Variants in LSR observed in about 807,000 individuals in gnomAD.
LSR encodes lipolysis stimulated lipoprotein receptor, also known as lipolysis-stimulated lipoprotein receptor.
Under a neutral mutation model 61.8 loss-of-function variants are expected in LSR, and 44 were observed. That is an observed-to-expected ratio of 0.71 (90% CI 0.56 to 0.91). The LOEUF is 0.91. Among genes scored for constraint, LSR ranks in the 40% least tolerant of loss-of-function variants. LSR has a pLI of 0.00. For synonymous variants in LSR, 397 were observed against 350.6 expected (o/e 1.13, Z -1.48); for missense variants, 911 against 830.5 (o/e 1.10, Z -1.19).
Position 35,267,879 on chromosome 19 carries a change from C to G in LSR, c.*20C>G. 1 of 1,612,830 alleles carries G rather than the reference C, an allele frequency of 6.2e-7. No homozygotes were observed. The highest frequency in any genetic ancestry group is 1.1e-5 in the South Asian group (1 of 91,010). ...GTCTGATCTGACGTTTTCTACGTAG[C>G]TTTTGTATTTTTTTTTTTAATTTGA... On this transcript the variant is annotated 3_prime_UTR_variant, in exon 10 of 10. Coordinates refer to ENST00000605618, the MANE Select transcript of LSR (RefSeq NM_205834.4).
In LSR at chr19:35,266,707, G is replaced by C. The variant is rs1163218957; in HGVS notation, c.981G>C (p.Leu327=). ...GTGGCCAAGGCTCCTATGTACCCCT[G>C]CTTCGGGACACGGACAGCAGTGTGG... ...SAGGQGSYVP[L]LRDTDSSVAS... Residue 327 remains leucine, a synonymous_variant, in exon 7 of 10, where the codon CTG becomes CTC. Transcript: ENST00000605618. 6.2e-7 allele frequency: 1 copy of C among 1,609,178 alleles called. No homozygotes were observed. Among genetic ancestry groups the C allele is most frequent in the South Asian group, 1.1e-5 (1 of 89,980 alleles).
At chr19:35,254,999 T>C (rs2065839908) in intron 2 of LSR, among the ~76,000 whole-genome samples, 1 of 152,176 alleles carries the variant, frequency 6.6e-6, no homozygotes, top group Admixed American at 6.5e-5. Context: ...CTTTTGTTTA[T>C]AGCAGGGACC....
chr19:35,252,245 G>A (rs184812515), intron 2 of LSR, among the ~76,000 whole-genome samples: 29 of 152,296 alleles, frequency 1.9e-4, no homozygotes, highest in African/African-American at 6.5e-4. Flanking sequence ...ACTATGTGTC[G>A]TTGGTGCTGG....
intron 1 of LSR, 55 bp from the exon 2 acceptor site, chr19:35,250,260 T>C (rs938733597): frequency 7.9e-7 from 1 of 1,258,218 alleles, no homozygotes; most frequent in Non-Finnish European, 1.1e-6. Context: ...GCGTTCCTGT[T>C]GAAGCACCTC....
intron 5 of LSR, 105 bp downstream of exon 5, chr19:35,262,797 G>A: frequency 7.0e-7 from 1 of 1,436,080 alleles, no homozygotes; most frequent in African/African-American, 1.4e-5. Flanking sequence ...GGTCTGGAGG[G>A]TGTGAATTTA....
At chr19:35,255,210 C>G (rs1016057283) in intron 2 of LSR, among the ~76,000 whole-genome samples, 14 of 152,112 alleles carry the variant, frequency 9.2e-5, no homozygotes, top group African/African-American at 3.4e-4. Flanking sequence ...ATGGCACACC[C>G]TGCTACTCTG....
In LSR at chr19:35,262,543, C is replaced by T; in HGVS notation, c.632-3C>T. 1 of 1,614,162 alleles carries T rather than the reference C, an allele frequency of 6.2e-7. No homozygotes were observed. Among genetic ancestry groups the T allele is most frequent in the Non-Finnish European group, 8.5e-7 (1 of 1,180,014 alleles). ...GGGCTCAGGGCCTGTTGTCTTTCTGCAGACTGGCTCTTCGTGGTTGTGGTA... is the reference window on the plus strand; with the variant it reads ...GGGCTCAGGGCCTGTTGTCTTTCTGTAGACTGGCTCTTCGTGGTTGTGGTA... On this transcript the variant is annotated splice_polypyrimidine_tract_variant and splice_region_variant and intron_variant, in intron 4 of 9. Coordinates refer to ENST00000605618, the MANE Select transcript of LSR (RefSeq NM_205834.4).
chr19:35,250,676 A>G lies in LSR; in HGVS notation c.454+17A>G, dbSNP rs1395281722. ...TCACCGGAAGTATGTTGGGCAGGGC[A>G]GGGGGATGAGGCTGGGCTTGCCCGG... is the stretch of plus-strand genomic sequence containing the variant. On this transcript the variant is annotated intron_variant, in intron 2 of 9. Coordinates refer to ENST00000605618, the MANE Select transcript of LSR (RefSeq NM_205834.4). The G allele has an allele frequency of 6.6e-7, 1 of 1,525,032 alleles. No homozygotes were observed. The highest frequency in any genetic ancestry group is 1.3e-5 in the South Asian group (1 of 77,324). The allele number at this position is 1,525,032 out of a possible 1,614,324, so 94.5% of individuals were successfully genotyped here.
chr19:35,250,113 C>T (rs1404180392), intron 1 of LSR, among the ~76,000 whole-genome samples: 1 of 152,146 alleles, frequency 6.6e-6, no homozygotes, highest in Non-Finnish European at 1.5e-5. Flanking sequence ...CACCGTGCAC[C>T]TGCCACTTCA....
chr19:35,266,747 C>A lies in LSR; in HGVS notation c.1012+9C>A. ...CAGCAGTGTGGCCTCTGGTGAGAAT[C>A]CATCGTCCCGAAGTTGGATGTGCCT... On this transcript the variant is annotated intron_variant, in intron 7 of 9. Transcript: ENST00000605618. 4 of 1,609,014 alleles carry A rather than the reference C, an allele frequency of 2.5e-6. No homozygotes were observed. The highest frequency in any genetic ancestry group is 3.4e-6 in the Non-Finnish European group (4 of 1,177,894).
At position 35,262,561 on chromosome 19, in the gene LSR, T is replaced by C; in HGVS notation, c.647T>C (p.Val216Ala). ...CTTTCTGCAGACTGGCTCTTCGTGGTTGTGGTATGCCTGGCTGCCTTCCTC... is the reference window on the plus strand; with the variant it reads ...CTTTCTGCAGACTGGCTCTTCGTGGCTGTGGTATGCCTGGCTGCCTTCCTC... ...AGPIEDWLFV[V>A]VVCLAAFLIF... is the part of the protein sequence containing the mutation. Residue 216 changes from valine to alanine, a missense_variant, in exon 5 of 10, where the codon GTT becomes GCT. Coordinates refer to ENST00000605618, the MANE Select transcript of LSR (RefSeq NM_205834.4). The C allele has an allele frequency of 6.2e-7, 1 of 1,614,174 alleles. No homozygotes were observed. Among genetic ancestry groups the C allele is most frequent in the Non-Finnish European group, 8.5e-7 (1 of 1,180,020 alleles).
intron 5 of LSR, among the ~76,000 whole-genome samples, chr19:35,265,476 G>C (rs1255564802): frequency 1.3e-5 from 2 of 152,196 alleles, no homozygotes; most frequent in African/African-American, 4.8e-5. Flanking sequence ...GCTAATGAAG[G>C]GGCTTCCTCT....
chr19:35,253,430 C>CA (rs1298294446), intron 2 of LSR: 5 of 152,762 alleles, frequency 3.3e-5, no homozygotes, highest in Admixed American at 3.3e-4. Flanking sequence ...ACCTAGAAGG[C>CA]AGAGAGGAAG....
chr19:35,262,803 A>T, intron 5 of LSR, 111 bp downstream of exon 5: 2 of 1,375,988 alleles, frequency 1.5e-6, no homozygotes, highest in Non-Finnish European at 2.0e-6. Context: ...GAGGGTGTGA[A>T]TTTAGCCAGT....
At position 35,250,486 on chromosome 19, in the gene LSR, C is replaced by T. The variant is rs576659755; in HGVS notation, c.281C>T (p.Pro94Leu). ...GACCGCATCGCCGATGCCTTCTCCC[C>T]GGCCAGCGTCGACAACCAGCTCAAT... ...CRDRIADAFSPASVDNQLNAQ... is the reference protein window; with the variant it reads ...CRDRIADAFSLASVDNQLNAQ... Residue 94 changes from proline to leucine, a missense_variant, in exon 2 of 10, where the codon CCG (proline) becomes CTG (leucine). Physicochemically the swap from Pro to Leu is moderately conservative, Grantham distance 98. Coordinates refer to ENST00000605618, the MANE Select transcript of LSR (RefSeq NM_205834.4). 1.1e-5 allele frequency: 18 copies of T among 1,614,058 alleles called. No homozygotes were observed. Among genetic ancestry groups the T allele is most frequent in the African/African-American group, 6.7e-5 (5 of 75,040 alleles).
At position 35,266,820 on chromosome 19, in the gene LSR, AC is replaced by A. The variant is rs745694180; in HGVS notation, c.1013-10del. The A allele has an allele frequency of 7.8e-4, 1,248 of 1,605,144 alleles. 1 individual carries two copies. The highest frequency in any genetic ancestry group is 7.9e-4 in the Non-Finnish European group (927 of 1,175,578). On this transcript the variant is annotated splice_polypyrimidine_tract_variant and intron_variant, in intron 7 of 9. Coordinates refer to ENST00000605618, the MANE Select transcript of LSR (RefSeq NM_205834.4). Reference sequence around the variant, plus strand: ...GATCCATCCTCCCAAACCGACCACCACCCCCCTGTCCCTAGAAGTCCGCAGT... The same window carrying A: ...GATCCATCCTCCCAAACCGACCACCACCCCCTGTCCCTAGAAGTCCGCAGT...
chr19:35,249,213 A>G (rs2065758188), intron 1 of LSR, 82 bp downstream of exon 1: 1 of 1,462,222 alleles, frequency 6.8e-7, no homozygotes, highest in Non-Finnish European at 9.0e-7. Flanking sequence ...GGCGGCGGGA[A>G]GCGGGAAGCG....
At chr19:35,256,281 A>ATTCT (rs1354243076) in intron 2 of LSR, among the ~76,000 whole-genome samples, 11 of 152,340 alleles carry the variant, frequency 7.2e-5, no homozygotes, top group African/African-American at 2.6e-4. Context: ...TTTCATAGGC[A>ATTCT]GCAGAATGAG....
At chr19:35,266,058 T>C (rs1429647069) in intron 5 of LSR, among the ~76,000 whole-genome samples, 1 of 152,228 alleles carries the variant, frequency 6.6e-6, no homozygotes, top group Non-Finnish European at 1.5e-5. Context: ...GTTGGCGAAT[T>C]ACCATGCTGT....
Sources: allele counts gnomAD v4.1 joint callset (sites outside exome capture counted in the v4.1 genomes callset), GRCh38; gene constraint gnomAD v4.1.1; transcripts MANE v1.5; gene names NCBI Gene and HGNC (gene_info 2026-07-23, HGNC 2026-07-21).